The following MKNK1 variants were observed in gnomAD, a reference collection of about 807,000 sequenced individuals.
MKNK1 encodes MAPK interacting serine/threonine kinase 1.
In MKNK1, 30 loss-of-function variants were observed where a neutral mutation model predicts 49.3. The ratio of observed to expected loss-of-function variants is 0.61; its 90% CI spans 0.46 to 0.83. The LOEUF is 0.83. Ranked by LOEUF, MKNK1 falls within the 40% of genes least tolerant of loss-of-function variation. MKNK1 has a pLI of 0.00. For missense variants in MKNK1, 423 were observed against 524.7 expected (o/e 0.81, Z 1.89); for synonymous variants, 176 against 201.7 (o/e 0.87, Z 1.08).
At chr1:46,593,627 G>A (rs1473050967) in intron 2 of MKNK1, 2 of 153,096 alleles carry the variant, frequency 1.3e-5, no homozygotes, top group African/African-American at 4.8e-5. Flanking sequence ...GAGAGGCCAA[G>A]GCAGGCAGAT....
intron 4 of MKNK1, 97 bp from the exon 5 acceptor site, chr1:46,576,751 C>A: frequency 9.8e-7 from 1 of 1,015,694 alleles, no homozygotes; most frequent in Non-Finnish European, 1.6e-6. Context: ...ACACTCAGTC[C>A]AAATCCAGTG....
chr1:46,591,973 C>T (rs577945579), intron 2 of MKNK1, among the ~76,000 whole-genome samples: 44 of 152,344 alleles, frequency 2.9e-4, no homozygotes, highest in East Asian at 7.7e-4. Context: ...GGTGTGATGG[C>T]TCATGCCTGT....
At chr1:46,580,693 A>C in intron 3 of MKNK1, 66 bp from the exon 4 acceptor site, 1 of 1,151,218 alleles carries the variant, frequency 8.7e-7, no homozygotes, top group Non-Finnish European at 1.3e-6. Context: ...AGATGGGAAG[A>C]ACTTTTGTGG....
chr1:46,560,196 G>A, intron 12 of MKNK1, 38 bp downstream of exon 12: 2 of 1,611,984 alleles, frequency 1.2e-6, no homozygotes, highest in South Asian at 2.2e-5. Flanking sequence ...CTGAGAGCTT[G>A]AGGAAGAGCA....
intron 6 of MKNK1, 57 bp downstream of exon 6, chr1:46,574,890 A>G (rs974640902): frequency 1.7e-6 from 2 of 1,186,300 alleles, no homozygotes; most frequent in African/African-American, 1.5e-5. Flanking sequence ...TTCATGATGG[A>G]TGATCACCAC....
In MKNK1 at chr1:46,583,346, G is replaced by C. The variant is rs1277745532; in HGVS notation, c.-2-17C>G. ...TGCCCATCTCTAGGAGATAAGAGGA[G>C]ATGTAAGGGAAACATCACTGTACTG... On this transcript the variant is annotated splice_polypyrimidine_tract_variant and intron_variant, in intron 2 of 12. Coordinates refer to ENST00000371945, the MANE Select transcript of MKNK1 (RefSeq NM_001135553.4). 3 of 1,585,354 alleles carry C rather than the reference G, an allele frequency of 1.9e-6. No homozygotes were observed. In the East Asian group the frequency reaches 6.7e-5, roughly 35 times the overall value.
chr1:46,602,271 G>T (rs1332223826), intron 1 of MKNK1, among the ~76,000 whole-genome samples: 3 of 152,188 alleles, frequency 2.0e-5, no homozygotes, highest in African/African-American at 7.2e-5. Flanking sequence ...AATTAGCCGG[G>T]TGTGGTGGCT....
At chr1:46,598,636 C>T (rs1316747214) in intron 1 of MKNK1, among the ~76,000 whole-genome samples, 1 of 152,188 alleles carries the variant, frequency 6.6e-6, no homozygotes, top group Non-Finnish European at 1.5e-5. Flanking sequence ...CTCATAACAA[C>T]CCCATGAGGT....
At chr1:46,563,363 G>GCAAGGC (rs1158998032) in intron 9 of MKNK1, 1 of 153,246 alleles carries the variant, frequency 6.5e-6, no homozygotes, top group Non-Finnish European at 1.5e-5. Flanking sequence ...GATGGCAAGG[G>GCAAGGC]CAAGGCCAAG....
rs574955918 is a variant in MKNK1 at position 46,567,259 on chromosome 1, C to T, written c.513+1184G>A. Among the ~76,000 whole-genome samples, 15 of 152,266 alleles carry T rather than the reference C, an allele frequency of 9.9e-5. No individual in the cohort carries two copies. The East Asian group carries it at 1.5e-3, about 16-fold the overall frequency. ...CCTGGTCCCAATTATTCCTCTCTTT[C>T]GCCTTGCCTTTCCTCACGTTCTTGT... On this transcript the variant is annotated intron_variant, in intron 8 of 12. Coordinates refer to ENST00000371945, the MANE Select transcript of MKNK1 (RefSeq NM_001135553.4).
chr1:46,594,359 A>G, intron 1 of MKNK1, 79 bp from the exon 2 acceptor site: 1 of 615,734 alleles, frequency 1.6e-6, no homozygotes. Flanking sequence ...ATCAATCTGA[A>G]CGTGCCCCAA....
At chr1:46,585,249 C>CAAAAAAAAAAAAA (rs58692301) in intron 2 of MKNK1, among the ~76,000 whole-genome samples, 2 of 62,136 alleles carry the variant, frequency 3.2e-5, no homozygotes, top group Non-Finnish European at 6.1e-5. Flanking sequence ...GATTCCGTCT[C>CAAAAAAAAAAAAA]AAAAAAAAAA....
chr1:46,565,226 T>G, intron 8 of MKNK1, 90 bp from the exon 9 acceptor site: 1 of 1,178,192 alleles, frequency 8.5e-7, no homozygotes, highest in Non-Finnish European at 1.3e-6. Flanking sequence ...CATGGCTCCG[T>G]GGCTGTCACA....
intron 7 of MKNK1, chr1:46,568,774 G>A (rs1351897825): frequency 2.1e-6 from 1 of 466,542 alleles, no homozygotes; most frequent in East Asian, 4.1e-5. Context: ...CAGTACCACA[G>A]TGACCACCAA....
chr1:46,597,353 C>G (rs2148770433), intron 1 of MKNK1, among the ~76,000 whole-genome samples: 1 of 151,282 alleles, frequency 6.6e-6, no homozygotes, highest in Non-Finnish European at 1.5e-5. Flanking sequence ...CATCACATTA[C>G]TTTCAAGACA....
intron 2 of MKNK1, chr1:46,586,252 G>A (rs1672552548): frequency 1.0e-5 from 3 of 295,114 alleles, no homozygotes; most frequent in Non-Finnish European, 1.4e-5. Context: ...CTTGGCCTAG[G>A]AATTCTTCTT....
rs150720161 is a variant in MKNK1 at position 46,568,262 on chromosome 1, C to T, written c.513+181G>A. Reference sequence around the variant, plus strand: ...CATCAATCACACTGATGATCAAGAGCGAAGAAAGGACGAGGATGGGCAGAA... The same window carrying T: ...CATCAATCACACTGATGATCAAGAGTGAAGAAAGGACGAGGATGGGCAGAA... On this transcript the variant is annotated intron_variant, in intron 8 of 12. Coordinates refer to ENST00000371945, the MANE Select transcript of MKNK1 (RefSeq NM_001135553.4). The T allele has an allele frequency of 3.4e-3, 2,072 of 608,504 alleles. 42 individuals are homozygous for T. The African/African-American group carries it at 0.035, about 10-fold the overall frequency. 37.7% of individuals were successfully genotyped at this position (608,504 alleles called of 1,614,324 possible).
intron 4 of MKNK1, among the ~76,000 whole-genome samples, chr1:46,579,013 C>G (rs1671383731): frequency 6.6e-6 from 1 of 152,210 alleles, no homozygotes; most frequent in Non-Finnish European, 1.5e-5. Context: ...CTCAGCCTCC[C>G]AAAGTGCTGG....
intron 2 of MKNK1, 83 bp from the exon 3 acceptor site, chr1:46,583,412 G>T: frequency 9.6e-7 from 1 of 1,037,648 alleles, no homozygotes; most frequent in Non-Finnish European, 1.4e-6. Flanking sequence ...AAAAAAGGTA[G>T]TGGGGGAGGA....
Sources: allele counts gnomAD v4.1 joint callset (sites outside exome capture counted in the v4.1 genomes callset), GRCh38; gene constraint gnomAD v4.1.1; transcripts MANE v1.5; gene names NCBI Gene and HGNC (gene_info 2026-07-23, HGNC 2026-07-21).